KRABD5: variants seen among roughly 807,000 people sequenced by gnomAD.
KRABD5 encodes the protein KRAB domain containing 5.
chr16:31,732,982 A>C, the KRABD5 span, among the ~76,000 whole-genome samples: 207 of 152,176 alleles, frequency 1.4e-3, 3 homozygotes, highest in Non-Finnish European at 2.7e-3. Flanking sequence ...TATTCTTGTT[A>C]TTGATTCCAT....
At chr16:31,754,186 C>T in the KRABD5 span, 1 of 683,356 alleles carries the variant, frequency 1.5e-6, no homozygotes, top group Non-Finnish European at 2.6e-6. Flanking sequence ...AATGTTCAGT[C>T]AAATATTTCT....
chr16:31,755,036 G>A, the KRABD5 span: 1 of 476,466 alleles, frequency 2.1e-6, no homozygotes, highest in Non-Finnish European at 4.3e-6. Flanking sequence ...TCATACTGGA[G>A]AGAAACCTTA....
the KRABD5 span, among the ~76,000 whole-genome samples, chr16:31,738,109 G>A: frequency 1.3e-5 from 2 of 152,192 alleles, no homozygotes; most frequent in South Asian, 4.1e-4. Context: ...TTTTTTTGCA[G>A]CTTAACAGGT....
the KRABD5 span, among the ~76,000 whole-genome samples, chr16:31,727,126 A>G: frequency 6.6e-6 from 1 of 152,148 alleles, no homozygotes; most frequent in Non-Finnish European, 1.5e-5. Context: ...TTTGTATGGT[A>G]ATTTTGTGAC....
At chr16:31,750,220 A>C in the KRABD5 span, among the ~76,000 whole-genome samples, 3 of 151,962 alleles carry the variant, frequency 2.0e-5, no homozygotes, top group African/African-American at 7.2e-5. Context: ...ACAGTGTTTT[A>C]TAGTTCCTCT....
At chr16:31,755,645 G>A in the KRABD5 span, 4 of 483,292 alleles carry the variant, frequency 8.3e-6, no homozygotes, top group Non-Finnish European at 1.7e-5. Flanking sequence ...CAAATGTAAA[G>A]AATGTGGCAA....
At chr16:31,731,836 C>T in the KRABD5 span, among the ~76,000 whole-genome samples, 3 of 152,164 alleles carry the variant, frequency 2.0e-5, no homozygotes, top group Admixed American at 6.5e-5. Flanking sequence ...TTCAGGATTC[C>T]CATTTGGGTC....
At chr16:31,758,820 T>C in the KRABD5 span, 2 of 151,998 alleles carry the variant, frequency 1.3e-5, no homozygotes, top group Non-Finnish European at 2.9e-5. Flanking sequence ...ATTTTAAGTA[T>C]CTACCATCTA....
chr16:31,716,286 C>T, the KRABD5 span, among the ~76,000 whole-genome samples: 3 of 152,194 alleles, frequency 2.0e-5, no homozygotes, highest in Non-Finnish European at 4.4e-5. Context: ...CATAGCCTTG[C>T]CTGGGCCAGT....
the KRABD5 span, among the ~76,000 whole-genome samples, chr16:31,742,596 A>G: frequency 6.6e-6 from 1 of 152,126 alleles, no homozygotes; most frequent in Non-Finnish European, 1.5e-5. Flanking sequence ...TGTCTTTGCT[A>G]TTGTAAATAA....
At chr16:31,718,231 A>T in the KRABD5 span, among the ~76,000 whole-genome samples, 5 of 151,808 alleles carry the variant, frequency 3.3e-5, no homozygotes, top group African/African-American at 4.8e-5. Context: ...AGAATTCCTG[A>T]GGGGCTGTCT....
At chr16:31,716,100 T>A in the KRABD5 span, among the ~76,000 whole-genome samples, 2 of 152,302 alleles carry the variant, frequency 1.3e-5, no homozygotes, top group East Asian at 3.9e-4. Context: ...CCATAGCACC[T>A]TTGCTCCTAG....
chr16:31,716,556 TG>T, the KRABD5 span, among the ~76,000 whole-genome samples: 2 of 152,198 alleles, frequency 1.3e-5, no homozygotes, highest in African/African-American at 4.8e-5. Context: ...TTGCAATTTT[TG>T]TAGAGACAGG....
the KRABD5 span, among the ~76,000 whole-genome samples, chr16:31,745,549 T>G: frequency 4.6e-5 from 7 of 152,264 alleles, no homozygotes; most frequent in Admixed American, 4.6e-4. Flanking sequence ...ATTATGTGGT[T>G]GATTTTAGAA....
chr16:31,738,016 T>G, the KRABD5 span, among the ~76,000 whole-genome samples: 1 of 152,280 alleles, frequency 6.6e-6, no homozygotes, highest in Non-Finnish European at 1.5e-5. Flanking sequence ...CATTTTTCTT[T>G]CTGTTTTTAA....
chr16:31,720,122 A>G, the KRABD5 span, among the ~76,000 whole-genome samples: 718 of 152,326 alleles, frequency 4.7e-3, 9 homozygotes, highest in African/African-American at 0.016. Context: ...TACTGTGAGC[A>G]CACAGTACAA....
At chr16:31,741,673 T>A in the KRABD5 span, among the ~76,000 whole-genome samples, 1 of 152,144 alleles carries the variant, frequency 6.6e-6, no homozygotes, top group Non-Finnish European at 1.5e-5. Context: ...TCTTGTTAAT[T>A]TAAATTTCAT....
the KRABD5 span, among the ~76,000 whole-genome samples, chr16:31,741,734 C>T: frequency 2.0e-5 from 3 of 151,980 alleles, no homozygotes; most frequent in Admixed American, 6.6e-5. Context: ...TGAATATCTT[C>T]TCCTGTTCTG....
the KRABD5 span, chr16:31,758,774 C>CA: frequency 0.045 from 4,272 of 94,380 alleles, 63 homozygotes; most frequent in Non-Finnish European, 0.058. Flanking sequence ...AACTCTGTCT[C>CA]AAAAAAAAAA....
Sources: allele counts gnomAD v4.1 joint callset (sites outside exome capture counted in the v4.1 genomes callset), GRCh38; gene constraint gnomAD v4.1.1; transcripts MANE v1.5; gene names NCBI Gene and HGNC (gene_info 2026-07-23, HGNC 2026-07-21).